The following ZNF536 variants were observed in gnomAD, a reference collection of about 807,000 sequenced individuals.
The protein encoded by ZNF536 is zinc finger protein 536.
ZNF536 carries 13 observed loss-of-function variants against 84.5 expected under a neutral mutation model. The ratio of observed to expected loss-of-function variants is 0.15; its 90% CI spans 0.10 to 0.24. The LOEUF (loss-of-function observed/expected upper bound fraction) is 0.24, where lower values mean the gene tolerates loss of function less well. Ranked by LOEUF, ZNF536 falls within the 10% of genes least tolerant of loss-of-function variation. The pLI, the probability that ZNF536 is intolerant of heterozygous loss-of-function variation, is 1.00. For synonymous variants in ZNF536, 811 were observed against 742.5 expected (o/e 1.09, Z -1.50); for missense variants, 1,536 against 1,747.5 (o/e 0.88, Z 2.16).
intron 1 of ZNF536, among the ~76,000 whole-genome samples, chr19:30,431,722 C>A (rs2051468273): frequency 6.6e-6 from 1 of 152,206 alleles, no homozygotes; most frequent in African/African-American, 2.4e-5. Context: ...AGCCTGATGT[C>A]TATTCCCTGG....
At chr19:30,423,605 T>G (rs186698869) in intron 1 of ZNF536, among the ~76,000 whole-genome samples, 50 of 152,300 alleles carry the variant, frequency 3.3e-4, no homozygotes, top group Admixed American at 2.8e-3. Context: ...AGCAGTTCCA[T>G]AGATCAGAGG....
intron 1 of ZNF536, among the ~76,000 whole-genome samples, chr19:30,640,260 A>G (rs1049193056): frequency 6.6e-6 from 1 of 152,024 alleles, no homozygotes; most frequent in African/African-American, 2.4e-5. Context: ...CTCAAGAAAA[A>G]AAAAATTGGT....
intron 1 of ZNF536, among the ~76,000 whole-genome samples, chr19:30,678,381 C>A (rs761565418): frequency 1.5e-4 from 23 of 152,152 alleles, no homozygotes; most frequent in Non-Finnish European, 2.2e-4. Context: ...GTGAGAGGCT[C>A]CAGGAGCCGA....
chr19:30,226,986 CAAA>C (rs373104006), upstream of ZNF536, among the ~76,000 whole-genome samples: 1 of 142,626 alleles, frequency 7.0e-6, no homozygotes, highest in East Asian at 2.0e-4. The surrounding 1 kb of genome is among the most constrained non-coding windows in gnomAD (Gnocchi z 4.6). Flanking sequence ...GTATTTTAGG[CAAA>C]AAAAAAAAAG....
At chr19:30,700,205 TTTCTTTCC>T (rs1216985191) in intron 1 of ZNF536, among the ~76,000 whole-genome samples, 124 of 112,346 alleles carry the variant, frequency 1.1e-3, no homozygotes, top group African/African-American at 3.5e-3. Context: ...TCTTTCCTTC[TTTCTTTCC>T]TTCTTTCTTT....
intron 1 of ZNF536, among the ~76,000 whole-genome samples, chr19:30,678,690 C>T (rs557029739): frequency 1.5e-4 from 23 of 152,212 alleles, no homozygotes; most frequent in African/African-American, 5.5e-4. Context: ...ATGTCTGGAG[C>T]TTCCTTTAGA....
chr19:30,713,542 A>G (rs1474370159), downstream of ZNF536: 1 of 152,182 alleles, frequency 6.6e-6, no homozygotes, highest in African/African-American at 2.4e-5. Flanking sequence ...TTTTTCAGCA[A>G]TGACTGTTTT....
At chr19:30,485,325 G>T (rs1295784754) in intron 2 of ZNF536, among the ~76,000 whole-genome samples, 1 of 152,054 alleles carries the variant, frequency 6.6e-6, no homozygotes, top group Non-Finnish European at 1.5e-5. Context: ...ATATCATACA[G>T]TTAATGCAAA....
At chr19:30,645,480 G>A (rs1037381542) in intron 1 of ZNF536, among the ~76,000 whole-genome samples, 5 of 152,124 alleles carry the variant, frequency 3.3e-5, no homozygotes, top group Non-Finnish European at 7.3e-5. Flanking sequence ...TAGCATCAGA[G>A]GATATGACTA....
chr19:30,647,722 C>A (rs909680309), intron 1 of ZNF536, among the ~76,000 whole-genome samples: 2 of 152,222 alleles, frequency 1.3e-5, no homozygotes, highest in Non-Finnish European at 2.9e-5. Context: ...CTTGCTAAGA[C>A]CCCAATTTGG....
intron 2 of ZNF536, among the ~76,000 whole-genome samples, chr19:30,284,431 G>A (rs1174653490): frequency 6.6e-6 from 1 of 152,214 alleles, no homozygotes; most frequent in East Asian, 1.9e-4. Context: ...CCAGCCAGCA[G>A]CCTGGAACCA....
chr19:30,698,554 C>T (rs2051761730), intron 1 of ZNF536, among the ~76,000 whole-genome samples: 1 of 152,196 alleles, frequency 6.6e-6, no homozygotes, highest in Non-Finnish European at 1.5e-5. Context: ...CAGTTTCTCA[C>T]TTTTCTTGTT....
intron 1 of ZNF536, among the ~76,000 whole-genome samples, chr19:30,566,998 G>A (rs2046374882): frequency 6.6e-6 from 1 of 151,708 alleles, no homozygotes; most frequent in Non-Finnish European, 1.5e-5. Context: ...TCTGGGTAGT[G>A]GCGGTCCCCG....
At chr19:30,382,262 G>A (rs866403344) in intron 1 of ZNF536, among the ~76,000 whole-genome samples, 9 of 152,154 alleles carry the variant, frequency 5.9e-5, no homozygotes, top group Admixed American at 2.6e-4. Context: ...CAGCTTAGTG[G>A]TCTGGACACC....
chr19:30,500,775 G>T (rs1286500246), intron 2 of ZNF536, among the ~76,000 whole-genome samples: 1 of 152,276 alleles, frequency 6.6e-6, no homozygotes, highest in Non-Finnish European at 1.5e-5. Flanking sequence ...GCAAGCCAAG[G>T]CTTCTCTTGG....
At chr19:30,609,832 A>G (rs1568600333) in intron 1 of ZNF536, among the ~76,000 whole-genome samples, 1 of 148,024 alleles carries the variant, frequency 6.8e-6, no homozygotes, top group Non-Finnish European at 1.5e-5. Context: ...CCACCCATGT[A>G]TCCATCCATC....
In ZNF536 at chr19:30,340,828, T is replaced by C. The variant is rs141141436; in HGVS notation, c.-119-11540T>C. On this transcript the variant is annotated intron_variant, in intron 2 of 5. Coordinates refer to the ZNF536 transcript ENST00000585628. ...GAACCTGAAATAATTGCCGGAATGA[T>C]ATCCTCTAAAAGATGTGAGCCTCTC... is the stretch of plus-strand genomic sequence containing the variant. Among the ~76,000 whole-genome samples, 183 of 152,302 alleles carry C rather than the reference T, an allele frequency of 1.2e-3. 1 individual carries two copies. The highest frequency in any genetic ancestry group is 3.4e-3 in the Middle Eastern group (1 of 294).
intron 2 of ZNF536, among the ~76,000 whole-genome samples, chr19:30,450,956 T>C (rs1325780763): frequency 1.3e-5 from 2 of 152,200 alleles, no homozygotes; most frequent in East Asian, 1.9e-4. Context: ...CCGAGCGCCA[T>C]ATGCAGCCCT....
chr19:30,600,267 ATTT>A (rs757855051), intron 1 of ZNF536, among the ~76,000 whole-genome samples: 16 of 151,604 alleles, frequency 1.1e-4, no homozygotes, highest in East Asian at 7.8e-4. Flanking sequence ...TATTTTTTGT[ATTT>A]TTAGTAGAGA....
Sources: allele counts gnomAD v4.1 joint callset (sites outside exome capture counted in the v4.1 genomes callset), GRCh38; gene constraint gnomAD v4.1.1; non-coding constraint Gnocchi (gnomAD v3.1); transcripts MANE v1.5; gene names NCBI Gene and HGNC (gene_info 2026-07-23, HGNC 2026-07-21).